GRK5: variants seen among roughly 807,000 people sequenced by gnomAD.
GRK5 encodes the protein G protein-coupled receptor kinase 5, also known as g protein-coupled receptor kinase GRK5.
Under a neutral mutation model 78.4 loss-of-function variants are expected in GRK5, and 40 were observed. That is an observed-to-expected ratio of 0.51 (90% confidence interval 0.40 to 0.66). GRK5 has a LOEUF of 0.66. Among genes scored for constraint, GRK5 ranks in the 30% least tolerant of loss-of-function variants. The pLI is 0.00. For synonymous variants in GRK5, 289 were observed against 296.8 expected, an observed-to-expected ratio of 0.97 and a Z score of 0.27; for missense variants, 598 against 759.9, an observed-to-expected ratio of 0.79 and a Z score of 2.50.
chr10:119,387,954 A>AT (rs11413275), intron 3 of GRK5, among the ~76,000 whole-genome samples: 127,220 of 150,192 alleles, frequency 0.85, 54,089 homozygotes, highest in Middle Eastern at 0.94. Context: ...AATAAAGAAG[A>AT]TTTTTTTTTT....
At chr10:119,293,461 A>T (rs1236012869) in intron 1 of GRK5, among the ~76,000 whole-genome samples, 2 of 152,076 alleles carry the variant, frequency 1.3e-5, no homozygotes, top group East Asian at 3.9e-4. Flanking sequence ...TACAGCAAGC[A>T]CTCTGTGTAT....
chr10:119,364,830 A>G (rs114879001), intron 2 of GRK5, among the ~76,000 whole-genome samples: 1,689 of 152,338 alleles, frequency 0.011, 28 homozygotes, highest in African/African-American at 0.039. Context: ...GAATTTTTCA[A>G]TCATCTGAAT....
chr10:119,421,257 A>G (rs1852564745), intron 4 of GRK5, among the ~76,000 whole-genome samples: 1 of 152,218 alleles, frequency 6.6e-6, no homozygotes, highest in Non-Finnish European at 1.5e-5. Context: ...ATTTGTGCTA[A>G]TATTCAGTTG....
Position 119,455,593 on chromosome 10 carries a change from T to G in GRK5, c.*526T>G, listed in dbSNP as rs1236708612. Reference sequence around the variant, plus strand: ...CCAGAGCCTCAAATGAGAAAATGTCTTTATTAAATGTAGAAAGTGATCCAT... The same window carrying G: ...CCAGAGCCTCAAATGAGAAAATGTCGTTATTAAATGTAGAAAGTGATCCAT... On this transcript the variant is annotated 3_prime_UTR_variant, in exon 16 of 16. Transcript: ENST00000392870. 3.0e-5 allele frequency: 9 copies of G among 296,980 alleles called. No homozygotes were observed. Among genetic ancestry groups the G allele is most frequent in the Admixed American group, 5.2e-5 (1 of 19,074 alleles). The allele number at this position is 296,980 out of a possible 1,614,324, so 18.4% of individuals were successfully genotyped here.
chr10:119,427,235 C>G (rs1023777322), intron 6 of GRK5, among the ~76,000 whole-genome samples: 5 of 119,572 alleles, frequency 4.2e-5, no homozygotes, highest in African/African-American at 1.3e-4. Context: ...ATCAACATCA[C>G]CACCATCATC....
Position 119,207,896 on chromosome 10 carries a change from C to G in GRK5, c.-22C>G, listed in dbSNP as rs1265590791. On this transcript the variant is annotated 5_prime_UTR_variant, in exon 1 of 16. Coordinates refer to ENST00000392870, the MANE Select transcript of GRK5 (RefSeq NM_005308.3). ...CGCTGACAGCCCCGCCGGCCGGCTC[C>G]GTTGCTGACCGCCGACTGTCAATGG... The G allele has an allele frequency of 1.9e-6, 3 of 1,590,706 alleles. No homozygotes were observed. The highest frequency in any genetic ancestry group is 1.4e-5 in the African/African-American group (1 of 72,348).
intron 1 of GRK5, among the ~76,000 whole-genome samples, chr10:119,220,202 A>T (rs988530863): frequency 2.0e-5 from 3 of 152,146 alleles, no homozygotes; most frequent in Non-Finnish European, 4.4e-5. Flanking sequence ...GTGATATATA[A>T]TAATTAGTAA....
chr10:119,239,571 G>A (rs1251060647), intron 1 of GRK5, among the ~76,000 whole-genome samples: 1 of 152,104 alleles, frequency 6.6e-6, no homozygotes. Flanking sequence ...TGGGATACAT[G>A]TGCAGAACGT....
rs1850892677 is a variant in GRK5, at chr10:119,336,668, G to A, written c.148+10057G>A. 6.6e-6 allele frequency among the ~76,000 whole-genome samples: 1 copy of A among 152,162 alleles called. No homozygotes were observed. On this transcript the variant is annotated intron_variant, in intron 2 of 15. Transcript: ENST00000392870. This position sits in a 1 kb window ranked among gnomAD's most constrained non-coding sequence, Gnocchi z 4.5. Reference sequence around the variant, plus strand: ...ACCCAGTCCCCTTCAGGCCTGCCTGGCTGGCACGTGAGCTCTTGATTTCAT... The same window carrying A: ...ACCCAGTCCCCTTCAGGCCTGCCTGACTGGCACGTGAGCTCTTGATTTCAT...
rs17098576 is a variant in GRK5 at position 119,238,738 on chromosome 10, A to G, written c.52+30769A>G. Among the ~76,000 whole-genome samples, 3,102 of 152,262 alleles carry G rather than the reference A, an allele frequency of 0.02. 76 individuals are homozygous for G. Among genetic ancestry groups the G allele is most frequent in the South Asian group, 0.062 (300 of 4,818 alleles). ...TGAGATTGATGCACTCTAATTTGCC[A>G]TCTGGAATTGGTTAGCCACATTCTT... On this transcript the variant is annotated intron_variant, in intron 1 of 15. Coordinates refer to ENST00000392870, the MANE Select transcript of GRK5 (RefSeq NM_005308.3). The surrounding 1 kb of genome is among the most constrained non-coding windows in gnomAD (Gnocchi z 4.7).
intron 6 of GRK5, among the ~76,000 whole-genome samples, chr10:119,427,160 C>CCACCGCCATCATCAGCAT (rs1589804069): frequency 6.8e-6 from 1 of 147,642 alleles, no homozygotes; most frequent in African/African-American, 2.5e-5. Context: ...TATCAATATC[C>CCACCGCCATCATCAGCAT]CACCGCCATC....
At chr10:119,283,411 C>G (rs2133692531) in intron 1 of GRK5, among the ~76,000 whole-genome samples, 1 of 152,280 alleles carries the variant, frequency 6.6e-6, no homozygotes, top group South Asian at 2.1e-4. Context: ...CTAACCTGCA[C>G]CCCTCCAAGC....
intron 4 of GRK5, among the ~76,000 whole-genome samples, chr10:119,421,745 C>G (rs1852573900): frequency 1.3e-5 from 2 of 152,218 alleles, no homozygotes; most frequent in South Asian, 4.1e-4. Flanking sequence ...GGCTGCCCCC[C>G]AAGAAGCTGA....
In GRK5 at chr10:119,247,616, A is replaced by G. The variant is rs1359986339; in HGVS notation, c.52+39647A>G. Among the ~76,000 whole-genome samples, 9 of 152,314 alleles carry G rather than the reference A, an allele frequency of 5.9e-5. No homozygotes were observed. The East Asian group carries it at 1.7e-3, about 29-fold the overall frequency. On this transcript the variant is annotated intron_variant, in intron 1 of 15. Coordinates refer to ENST00000392870, the MANE Select transcript of GRK5 (RefSeq NM_005308.3). Reference sequence around the variant, plus strand: ...TGGTGATGGTCAAAGAGACACAGCTATGTTTATTTACTATAGTTTATGCCA... The same window carrying G: ...TGGTGATGGTCAAAGAGACACAGCTGTGTTTATTTACTATAGTTTATGCCA...
chr10:119,259,065 CTTTTTT>C (rs397950981), intron 1 of GRK5, among the ~76,000 whole-genome samples: 17 of 130,196 alleles, frequency 1.3e-4, no homozygotes, highest in African/African-American at 4.0e-4. Flanking sequence ...CTTTCTTTTT[CTTTTTT>C]TTTTTTTTTT....
intron 1 of GRK5, among the ~76,000 whole-genome samples, chr10:119,240,771 G>A (rs1849011646): frequency 6.6e-6 from 1 of 151,732 alleles, no homozygotes. Context: ...TTTAAGTGAC[G>A]TGGTCTCACC....
intron 2 of GRK5, among the ~76,000 whole-genome samples, chr10:119,349,302 G>C (rs1332633919): frequency 6.6e-6 from 1 of 152,228 alleles, no homozygotes; most frequent in Non-Finnish European, 1.5e-5. Flanking sequence ...AGCCGCTGAA[G>C]GCAGAGGCAT....
Position 119,398,859 on chromosome 10 carries a change from T to C in GRK5, c.339+2087T>C, listed in dbSNP as rs572774904. The stretch of plus-strand genomic sequence containing the variant: ...GGCTTCACTGTCCTGCCACTGTCTG[T>C]GGCCTGGCTCTGATCTGCAGTGAGG... On this transcript the variant is annotated intron_variant, in intron 4 of 15. Coordinates refer to ENST00000392870, the MANE Select transcript of GRK5 (RefSeq NM_005308.3). 1.1e-3 allele frequency among the ~76,000 whole-genome samples: 163 copies of C among 152,354 alleles called. 1 individual carries two copies. The highest frequency in any genetic ancestry group is 3.8e-3 in the African/African-American group (158 of 41,580).
At chr10:119,277,877 A>C (rs1416968719) in intron 1 of GRK5, among the ~76,000 whole-genome samples, 3 of 152,176 alleles carry the variant, frequency 2.0e-5, no homozygotes, top group Non-Finnish European at 2.9e-5. Context: ...TTACTTACTC[A>C]GCATGAAGAT....
Sources: allele counts gnomAD v4.1 joint callset (sites outside exome capture counted in the v4.1 genomes callset), GRCh38; gene constraint gnomAD v4.1.1; non-coding constraint Gnocchi (gnomAD v3.1); transcripts MANE v1.5; gene names NCBI Gene and HGNC (gene_info 2026-07-23, HGNC 2026-07-21).